Variants in COL14A1 observed in about 807,000 individuals in gnomAD.
The protein encoded by COL14A1 is collagen type XIV alpha 1 chain, also known as collagen alpha-1(XIV) chain.
In COL14A1, 136 loss-of-function variants were observed where a neutral mutation model predicts 230.3. That is an observed-to-expected ratio of 0.59 (90% confidence interval 0.51 to 0.68). The LOEUF (loss-of-function observed/expected upper bound fraction) is 0.68, where lower values mean the gene tolerates loss of function less well. Among genes scored for constraint, COL14A1 ranks in the 30% least tolerant of loss-of-function variants. The pLI is 0.00. For missense variants in COL14A1, 1,976 were observed against 2,215.8 expected, an observed-to-expected ratio of 0.89 and a Z score of 2.17; for synonymous variants, 792 against 784.1, an observed-to-expected ratio of 1.01 and a Z score of -0.17.
At chr8:120,147,730 A>T (rs1815143056) in intron 1 of COL14A1, 76 bp from the exon 2 acceptor site, 3 of 700,966 alleles carry the variant, frequency 4.3e-6, no homozygotes, top group Non-Finnish European at 2.4e-6. Context: ...ATGTTGGCTT[A>T]TTCGCCTGTC....
Position 120,171,287 on chromosome 8 carries a change from A to T in COL14A1, c.436+3040A>T, listed in dbSNP as rs143698507. Reference sequence around the variant, plus strand: ...CATTAACTTATTTTTTGCCTCACAAATATATTATTGAATATATTTATTATA... The same window carrying T: ...CATTAACTTATTTTTTGCCTCACAATTATATTATTGAATATATTTATTATA... On this transcript the variant is annotated intron_variant, in intron 5 of 47. Coordinates refer to ENST00000297848, the MANE Select transcript of COL14A1 (RefSeq NM_021110.4). Among the ~76,000 whole-genome samples the T allele has an allele frequency of 1.2e-3, 178 of 152,290 alleles. 1 individual carries two copies. Among genetic ancestry groups the T allele is most frequent in the African/African-American group, 4.0e-3 (166 of 41,576 alleles).
At chr8:120,266,972 TA>T (rs1819519977) in intron 25 of COL14A1, 89 bp downstream of exon 25, 1 of 1,145,590 alleles carries the variant, frequency 8.7e-7, no homozygotes, top group African/African-American at 1.5e-5. Flanking sequence ...AGGATATTAA[TA>T]AAGTATATTT....
chr8:120,201,282 A>G (rs992522400), intron 8 of COL14A1, among the ~76,000 whole-genome samples: 2 of 152,078 alleles, frequency 1.3e-5, no homozygotes, highest in African/African-American at 2.4e-5. Context: ...TTTTGTGTGC[A>G]TGTGTGTGTG....
chr8:120,151,639 C>CAAAAAAAAAAA (rs59123417), intron 2 of COL14A1, among the ~76,000 whole-genome samples: 4 of 78,602 alleles, frequency 5.1e-5, no homozygotes, highest in Non-Finnish European at 6.8e-5. Context: ...GACTCCGTCT[C>CAAAAAAAAAAA]AAAAAAAAAA....
At chr8:120,277,876 TAACA>T (rs1034430253) in intron 26 of COL14A1, 2 of 243,586 alleles carry the variant, frequency 8.2e-6, no homozygotes, top group Non-Finnish European at 1.6e-5. Flanking sequence ...TTTACCCATG[TAACA>T]AACCTACACA....
intron 17 of COL14A1, 45 bp downstream of exon 17, chr8:120,227,397 TCCCTCTTTA>T (rs760685120): frequency 8.1e-6 from 13 of 1,610,754 alleles, no homozygotes; most frequent in Middle Eastern, 2.2e-4. Flanking sequence ...GCTCCCACAA[TCCCTCTTTA>T]CCCCATCAAT....
At chr8:120,345,594 C>T (rs1822481802) in intron 45 of COL14A1, 31 bp downstream of exon 45, 1 of 1,484,322 alleles carries the variant, frequency 6.7e-7, no homozygotes, top group South Asian at 1.4e-5. Flanking sequence ...CAGAGGAACT[C>T]CTCTGAGTTG....
At chr8:120,208,733 A>C (rs1230991024) in intron 11 of COL14A1, among the ~76,000 whole-genome samples, 1 of 152,178 alleles carries the variant, frequency 6.6e-6, no homozygotes, top group Non-Finnish European at 1.5e-5. Context: ...GCCCAATTGA[A>C]TGCCAAGGAA....
rs780233449 is a variant in COL14A1 at position 120,207,098 on chromosome 8, A to G, written c.1191+4A>G. On this transcript the variant is annotated splice_donor_region_variant and intron_variant, in intron 10 of 47. Transcript: ENST00000297848. Reference sequence around the variant, plus strand: ...CAGGGGTGGAAAACCAGACGAGGTAATAAGGAGAGAGTATTTTCAAACCAT... The same window carrying G: ...CAGGGGTGGAAAACCAGACGAGGTAGTAAGGAGAGAGTATTTTCAAACCAT... 6.2e-7 allele frequency: 1 copy of G among 1,608,334 alleles called. No homozygotes were observed. Among genetic ancestry groups the G allele is most frequent in the Admixed American group, 1.7e-5 (1 of 58,854 alleles).
At chr8:120,353,865 A>G (rs1042956922) in intron 45 of COL14A1, among the ~76,000 whole-genome samples, 1 of 151,814 alleles carries the variant, frequency 6.6e-6, no homozygotes, top group African/African-American at 2.4e-5. Flanking sequence ...TGGAGATACC[A>G]TTTGACCCAG....
intron 1 of COL14A1, among the ~76,000 whole-genome samples, chr8:120,137,524 A>G (rs1340515517): frequency 6.6e-6 from 1 of 151,980 alleles, no homozygotes; most frequent in Non-Finnish European, 1.5e-5. Flanking sequence ...TTCTTTTTCT[A>G]GCTTCTTTAG....
At chr8:120,180,330 T>C (rs549298507) in intron 5 of COL14A1, among the ~76,000 whole-genome samples, 1 of 152,386 alleles carries the variant, frequency 6.6e-6, no homozygotes. Context: ...GTTTTCTTTC[T>C]CAGAGTCTGT....
At chr8:120,276,083 T>A (rs1156404260) in intron 26 of COL14A1, among the ~76,000 whole-genome samples, 2 of 151,602 alleles carry the variant, frequency 1.3e-5, no homozygotes, top group Admixed American at 6.6e-5. Context: ...CCAACTTCAG[T>A]GCCTGTCATC....
chr8:120,309,095 C>T (rs375512864), intron 36 of COL14A1, among the ~76,000 whole-genome samples: 2 of 152,070 alleles, frequency 1.3e-5, no homozygotes, highest in African/African-American at 2.4e-5. Context: ...CCACCACGCC[C>T]GGCTAATTTT....
chr8:120,350,271 G>A (rs941003442), intron 45 of COL14A1, among the ~76,000 whole-genome samples: 21 of 151,726 alleles, frequency 1.4e-4, no homozygotes, highest in Admixed American at 4.6e-4. Context: ...GGTACCAGCC[G>A]CTGCAAAATC....
At chr8:120,345,680 G>T in intron 45 of COL14A1, 117 bp downstream of exon 45, 1 of 887,476 alleles carries the variant, frequency 1.1e-6, no homozygotes, top group Non-Finnish European at 1.6e-6. Flanking sequence ...AATTAATTCT[G>T]CCCCATCTAT....
intron 2 of COL14A1, among the ~76,000 whole-genome samples, chr8:120,152,449 G>A (rs527960269): frequency 8.6e-6 from 1 of 116,244 alleles, no homozygotes; most frequent in African/African-American, 3.5e-5. Flanking sequence ...CAGCTTGGGC[G>A]ACACAGCGAG....
At chr8:120,193,950 G>GTCCA (rs1816933238) in intron 5 of COL14A1, among the ~76,000 whole-genome samples, 2 of 152,182 alleles carry the variant, frequency 1.3e-5, no homozygotes, top group Admixed American at 1.3e-4. Flanking sequence ...GGTGCCATCT[G>GTCCA]TCACCCCTTT....
intron 32 of COL14A1, among the ~76,000 whole-genome samples, chr8:120,285,186 G>T (rs1820155362): frequency 1.3e-5 from 2 of 151,372 alleles, no homozygotes; most frequent in African/African-American, 4.9e-5. Context: ...AGGCACGGTG[G>T]CTCACGCCTG....
Sources: allele counts gnomAD v4.1 joint callset (sites outside exome capture counted in the v4.1 genomes callset), GRCh38; gene constraint gnomAD v4.1.1; transcripts MANE v1.5; gene names NCBI Gene and HGNC (gene_info 2026-07-23, HGNC 2026-07-21).